CMTR2: variants seen among roughly 807,000 people sequenced by gnomAD.
CMTR2 encodes the protein cap-specific mRNA (nucleoside-2'-O-)-methyltransferase 2.
A neutral mutation model predicts 49.8 loss-of-function variants in CMTR2; 40 were observed. The observed-to-expected ratio is 0.80, with a 90% CI of 0.62 to 1.04. CMTR2 has a LOEUF of 1.04. CMTR2 is among the 50% of genes least tolerant of loss of function. CMTR2 has a pLI of 0.00. For synonymous variants in CMTR2, 326 were observed against 315.8 expected, an observed-to-expected ratio of 1.03 and a Z score of -0.34; for missense variants, 907 against 897.2, an observed-to-expected ratio of 1.01 and a Z score of -0.14.
chr16:71,285,707 C>T lies in CMTR2; in HGVS notation c.214G>A (p.Glu72Lys), dbSNP rs758182966. 4.3e-5 allele frequency: 70 copies of T among 1,613,244 alleles called. No homozygotes were observed. Among genetic ancestry groups the T allele is most frequent in the Non-Finnish European group, 5.7e-5 (67 of 1,179,678 alleles). Residue 72 changes from glutamate to lysine, a missense_variant, in exon 3 of 3, where the codon GAA becomes AAA. Coordinates refer to ENST00000434935, the MANE Select transcript of CMTR2 (RefSeq NM_018348.6). ...AFLDLKNSLN[E>K]VKNLLSDKKL... ...TTATCACTCAGTAGGTTTTTTACTT[C>T]ATTTAGGGAGTTCTTCAAATCAAGA...
chr16:71,284,133 C>T lies in CMTR2; in HGVS notation c.1788G>A (p.Pro596=), dbSNP rs543435476. 50 of 1,613,880 alleles carry T rather than the reference C, an allele frequency of 3.1e-5. No individual in the cohort carries two copies. The highest frequency in any genetic ancestry group is 2.9e-4 in the South Asian group (26 of 91,068). Residue 596 remains proline (P), a synonymous_variant, in exon 3 of 3, where the codon CCG becomes CCA. Coordinates refer to ENST00000434935, the MANE Select transcript of CMTR2 (RefSeq NM_018348.6). The part of the protein sequence containing the change: ...STLRNIKMHI[P]LEVRLLESAE... ...CTGATTCTAGGAGTCGAACTTCCAA[C>T]GGTATATGCATTTTGATATTACGGA...
In CMTR2 at chr16:71,285,598, G is replaced by A; in HGVS notation, c.323C>T (p.Ala108Val). ...ACACCATGCTTGAGTACAAAGTTCA[G>A]CATTCACAGATTTTCTAACATGAGA... ...IISHVRKSVN[A>V]ELCTQAWCKF... Residue 108 changes from alanine (A) to valine (V), a missense_variant, in exon 3 of 3, where the codon GCT becomes GTT. Physicochemically the swap from Ala to Val is moderately conservative, Grantham distance 64. Coordinates refer to ENST00000434935, the MANE Select transcript of CMTR2 (RefSeq NM_018348.6). 5.0e-6 allele frequency: 8 copies of A among 1,614,108 alleles called. No individual in the cohort carries two copies. The highest frequency in any genetic ancestry group is 6.8e-6 in the Non-Finnish European group (8 of 1,179,990).
At position 71,285,402 on chromosome 16, in the gene CMTR2, A is replaced by G. The variant is rs138336029; in HGVS notation, c.519T>C (p.Thr173=). 3.6e-4 allele frequency: 577 copies of G among 1,614,046 alleles called. 3 individuals carry two copies. The highest frequency in any genetic ancestry group is 7.5e-4 in the Admixed American group (45 of 60,004). ...FPCHWSWVAN[T]LNPYHEANDD... ...CATTTGCTTCATGGTATGGATTCAG[A>G]GTATTCGCTACCCAACTCCAATGAC... The change falls in exon 3 of 3, where the codon ACT becomes ACC. Residue 173 remains threonine, a synonymous_variant. Transcript: ENST00000434935.
Position 71,284,571 on chromosome 16 carries a change from T to C in CMTR2, c.1350A>G (p.Leu450=), listed in dbSNP as rs1181449627. 6.2e-7 allele frequency: 1 copy of C among 1,613,908 alleles called. No individual in the cohort carries two copies. Among genetic ancestry groups the C allele is most frequent in the Non-Finnish European group, 8.5e-7 (1 of 1,179,920 alleles). The part of the protein sequence containing the change: ...YFKTYNERKM[L]EALSWKDKVA... The stretch of plus-strand genomic sequence containing the variant: ...CTTTATCTTTCCATGAAAGGGCTTC[T>C]AGCATCTTCCTTTCATTATAAGTTT... Residue 450 remains leucine (L), a synonymous_variant, in exon 3 of 3, where the codon CTA becomes CTG. Coordinates refer to ENST00000434935, the MANE Select transcript of CMTR2 (RefSeq NM_018348.6).
Position 71,281,600 on chromosome 16 carries a change from T to C in CMTR2, c.*2008A>G, listed in dbSNP as rs1349858814. 3 of 152,160 alleles carry C rather than the reference T, an allele frequency of 2.0e-5. No homozygotes were observed. Among genetic ancestry groups the C allele is most frequent in the East Asian group, 3.9e-4 (2 of 5,186 alleles). 9.4% of individuals were successfully genotyped at this position (152,160 alleles called of 1,614,324 possible). A position where few individuals can be genotyped will look rare whatever the true frequency, so the allele number is the denominator to read the frequency against. On this transcript the variant is annotated 3_prime_UTR_variant, in exon 3 of 3. Coordinates refer to ENST00000434935, the MANE Select transcript of CMTR2 (RefSeq NM_018348.6). ...ATAAATCATTAGTACCTGTCATCTA[T>C]TAATATATCCAGTTCAATCTGAACC...
chr16:71,286,294 GCTCTGA>G (rs1483379249), intron 2 of CMTR2, among the ~76,000 whole-genome samples: 1 of 151,856 alleles, frequency 6.6e-6, no homozygotes, highest in Non-Finnish European at 1.5e-5. Flanking sequence ...GTGAATGACA[GCTCTGA>G]TTATCATAGT....
Position 71,285,233 on chromosome 16 carries a change from G to T in CMTR2, c.688C>A (p.His230Asn). ...QNFISSMATVHLVTADGSFDC... is the reference protein window; with the variant it reads ...QNFISSMATVNLVTADGSFDC... ...AAACTCCCATCTGCAGTGACCAAGT[G>T]AACAGTAGCCATGCTGCTTATGAAA... The change falls in exon 3 of 3, where the codon CAC becomes AAC. Residue 230 changes from histidine to asparagine, a missense_variant. Coordinates refer to ENST00000434935, the MANE Select transcript of CMTR2 (RefSeq NM_018348.6). 2 of 1,613,504 alleles carry T rather than the reference G, an allele frequency of 1.2e-6. No individual in the cohort carries two copies. The highest frequency in any genetic ancestry group is 2.2e-5 in the South Asian group (2 of 91,056).
chr16:71,283,919 A>C lies in CMTR2; in HGVS notation c.2002T>G (p.Phe668Val), dbSNP rs1354923051. The change falls in exon 3 of 3, where the codon TTC (phenylalanine) becomes GTC (valine). Residue 668 changes from phenylalanine (F) to valine (V), a missense_variant. Phe to Val is a conservative substitution (Grantham distance 50). Coordinates refer to ENST00000434935, the MANE Select transcript of CMTR2 (RefSeq NM_018348.6). ...GATGTGGGACAAACAAAAGTGATGA[A>C]TCTAAAACAACTGTGGAGTACAAAG... is the stretch of plus-strand genomic sequence containing the variant. ...LIFVLHSCFRFITFVCPTSSD... is the reference protein window; with the variant it reads ...LIFVLHSCFRVITFVCPTSSD... The C allele has an allele frequency of 2.5e-6, 4 of 1,614,090 alleles. No homozygotes were observed. Among genetic ancestry groups the C allele is most frequent in the Admixed American group, 1.7e-5 (1 of 60,018 alleles).
chr16:71,284,720 T>G lies in CMTR2; in HGVS notation c.1201A>C (p.Ile401Leu). The change falls in exon 3 of 3, where the codon ATA (isoleucine) becomes CTA (leucine). Residue 401 changes from isoleucine (I) to leucine (L), a missense_variant. Transcript: ENST00000434935. ...TGAAATTTTTGCATAAAATATTGTA[T>G]AGCACAATCCCTTAAATTATTCAGC... ...EKLNNLRDCA[I>L]QYFMQKFQLK... The G allele has an allele frequency of 4.3e-6, 7 of 1,613,600 alleles. No homozygotes were observed. Among genetic ancestry groups the G allele is most frequent in the Non-Finnish European group, 5.9e-6 (7 of 1,179,710 alleles).
chr16:71,284,616 C>T lies in CMTR2; in HGVS notation c.1305G>A (p.Gly435=), dbSNP rs2041680806. ...AAGTTTTAAAATATTTGTTCCTCTG[C>T]CCAAACCATTTTGTATTTGTACTAC... ...IGCSTNTKWF[G]QRNKYFKTYN... Residue 435 remains glycine (G), a synonymous_variant, in exon 3 of 3, where the codon GGG becomes GGA. Transcript: ENST00000434935. The T allele has an allele frequency of 1.2e-6, 2 of 1,613,032 alleles. No homozygotes were observed. The highest frequency in any genetic ancestry group is 1.7e-6 in the Non-Finnish European group (2 of 1,179,614).
In CMTR2 at chr16:71,284,279, G is replaced by A. The variant is rs755244383; in HGVS notation, c.1642C>T (p.His548Tyr). The change falls in exon 3 of 3, where the codon CAT (histidine) becomes TAT (tyrosine). Residue 548 changes from histidine (H) to tyrosine (Y), a missense_variant. His to Tyr is a moderately conservative substitution (Grantham distance 83, BLOSUM62 2). Coordinates refer to ENST00000434935, the MANE Select transcript of CMTR2 (RefSeq NM_018348.6). ...RPKQQYSCSC[H>Y]VFSEELIFSE... ...AATATCAGTTCTTCAGAAAAAACAT[G>A]ACAAGAACAAGAATACTGCTGTTTT... The A allele has an allele frequency of 3.1e-6, 5 of 1,614,020 alleles. No individual in the cohort carries two copies. The South Asian group carries it at 4.4e-5, about 14-fold the overall frequency.
Position 71,284,458 on chromosome 16 carries a change from T to C in CMTR2, c.1463A>G (p.Asn488Ser). 3 of 1,614,044 alleles carry C rather than the reference T, an allele frequency of 1.9e-6. No homozygotes were observed. Among genetic ancestry groups the C allele is most frequent in the Non-Finnish European group, 2.5e-6 (3 of 1,179,968 alleles). The change falls in exon 3 of 3, where the codon AAT (asparagine) becomes AGT (serine). Residue 488 changes from asparagine to serine, a missense_variant. Transcript: ENST00000434935. ...QSSILEGTASNLECHLWHILE... is the reference protein window; with the variant it reads ...QSSILEGTASSLECHLWHILE... ...AATATGCCATAAGTGACACTCAAGA[T>C]TGGAAGCTGTTCCTTCTAAAATAGA... is the stretch of plus-strand genomic sequence containing the variant.
chr16:71,286,893 C>G (rs2041736380), intron 2 of CMTR2: 1 of 152,070 alleles, frequency 6.6e-6, no homozygotes, highest in South Asian at 2.1e-4. Flanking sequence ...CAAATAGTCA[C>G]TCTACATACT....
rs1344406806 is a variant in CMTR2, at chr16:71,285,120, T to G, written c.801A>C (p.Gly267=). 1.2e-6 allele frequency: 2 copies of G among 1,614,170 alleles called. No homozygotes were observed. Among genetic ancestry groups the G allele is most frequent in the Non-Finnish European group, 1.7e-6 (2 of 1,179,994 alleles). Residue 267 remains glycine, a synonymous_variant, in exon 3 of 3, where the codon GGA becomes GGC. Transcript: ENST00000434935. ...TCTTTAGAACAAAAGAGCCACCGTT[T>G]CCAAGAGTGGTCAGAGCAGTGACAA... ...CEVVTALTTL[G]NGGSFVLKMF...
At chr16:71,288,316 C>G (rs2144860934) in intron 2 of CMTR2, 1 of 152,360 alleles carries the variant, frequency 6.6e-6, no homozygotes, top group South Asian at 2.1e-4. Flanking sequence ...AAGATTGCAT[C>G]TTGCATTCCC....
rs1384830663 is a variant in CMTR2 at position 71,281,635 on chromosome 16, T to G, written c.*1973A>C. The G allele has an allele frequency of 6.6e-6, 1 of 151,978 alleles. No individual in the cohort carries two copies. The highest frequency in any genetic ancestry group is 2.4e-5 in the African/African-American group (1 of 41,450). 9.4% of individuals were successfully genotyped at this position (151,978 alleles called of 1,614,324 possible). Reference sequence around the variant, plus strand: ...CAGTTCAATCTGAACCTTCCTCAAGTCATGTCTAACCTCTAAAGCAATTTG... The same window carrying G: ...CAGTTCAATCTGAACCTTCCTCAAGGCATGTCTAACCTCTAAAGCAATTTG... On this transcript the variant is annotated 3_prime_UTR_variant, in exon 3 of 3. Coordinates refer to ENST00000434935, the MANE Select transcript of CMTR2 (RefSeq NM_018348.6).
chr16:71,285,893 G>A lies in CMTR2; in HGVS notation c.28C>T (p.Gln10Ter). 6.3e-7 allele frequency: 1 copy of A among 1,595,526 alleles called. No homozygotes were observed. The highest frequency in any genetic ancestry group is 8.5e-7 in the Non-Finnish European group (1 of 1,172,078). ...AATGACGCGGGACTTGCTAGCTGCT[G>A]AACTGGTGTCTTTCTGCACTTACTC... Reference protein sequence around the residue: MSKCRKTPVQQLASPASFSP... With the variant: MSKCRKTPV The change falls in exon 3 of 3, where the codon CAG becomes TAG. Residue 10 changes from glutamine (Q) to a stop codon, truncating the protein, a stop_gained. Transcript: ENST00000434935. LOFTEE classifies it high-confidence loss of function.
Position 71,284,255 on chromosome 16 carries a change from A to G in CMTR2, c.1666T>C (p.Phe556Leu). Reference sequence around the variant, plus strand: ...TCAGTAAGGCTACACAACTCGGAAAATATCAGTTCTTCAGAAAAAACATGA... The same window carrying G: ...TCAGTAAGGCTACACAACTCGGAAAGTATCAGTTCTTCAGAAAAAACATGA... Reference protein sequence around the residue: ...SCHVFSEELIFSELCSLTECL... With the variant: ...SCHVFSEELILSELCSLTECL... Residue 556 changes from phenylalanine (F) to leucine (L), a missense_variant, in exon 3 of 3, where the codon TTT becomes CTT. Phe to Leu is a conservative substitution (Grantham distance 22, BLOSUM62 0). Transcript: ENST00000434935. 2.5e-6 allele frequency: 4 copies of G among 1,614,072 alleles called. No homozygotes were observed. In the South Asian group the frequency reaches 3.3e-5, roughly 13 times the overall value.
chr16:71,281,414 A>C lies in CMTR2; in HGVS notation c.*2194T>G, dbSNP rs1313700663. The C allele has an allele frequency of 1.3e-5, 2 of 152,018 alleles. No homozygotes were observed. Among genetic ancestry groups the C allele is most frequent in the Non-Finnish European group, 2.9e-5 (2 of 67,874 alleles). 9.4% of individuals were successfully genotyped at this position (152,018 alleles called of 1,614,324 possible). On this transcript the variant is annotated 3_prime_UTR_variant, in exon 3 of 3. Transcript: ENST00000434935. ...CAATTTGATGTTTGTTTTTTAATAG[A>C]TATTACAAATTAAAAATCTCAAAAC...
Sources: gnomAD v4.1 joint callset for allele counts (sites outside exome capture counted in the v4.1 genomes callset) on GRCh38, gnomAD v4.1.1 for gene constraint, MANE v1.5 for transcripts, NCBI Gene and HGNC (gene_info 2026-07-23, HGNC 2026-07-21) for gene names.